Variants in NRG1 observed in about 807,000 individuals in gnomAD.
NRG1 encodes the protein neuregulin 1, also known as pro-neuregulin-1, membrane-bound isoform.
NRG1 carries 18 observed loss-of-function variants against 63.8 expected under a neutral mutation model. The ratio of observed to expected loss-of-function variants is 0.28; its 90% CI spans 0.19 to 0.42. The LOEUF is 0.42. NRG1 is among the 10% of genes least tolerant of loss of function. The pLI is 1.00. For synonymous variants in NRG1, 302 were observed against 301.3 expected, an observed-to-expected ratio of 1.00 and a Z score of -0.02; for missense variants, 762 against 814.7, an observed-to-expected ratio of 0.94 and a Z score of 0.79.
intron 1 of NRG1, among the ~76,000 whole-genome samples, chr8:32,114,348 T>C (rs1832428826): frequency 6.6e-6 from 1 of 152,316 alleles, no homozygotes. Context: ...ATAAAACAGC[T>C]TCCCAATCAG....
At chr8:32,476,839 G>A (rs1435466035) in intron 1 of NRG1, among the ~76,000 whole-genome samples, 1 of 152,126 alleles carries the variant, frequency 6.6e-6, no homozygotes, top group Non-Finnish European at 1.5e-5. Context: ...GCCGTCTCTT[G>A]ACCTCTACAA....
chr8:32,531,392 GCTTT>G (rs1235030770), intron 1 of NRG1, among the ~76,000 whole-genome samples: 5 of 151,970 alleles, frequency 3.3e-5, no homozygotes, highest in South Asian at 4.1e-4. Context: ...ATATCTTTCT[GCTTT>G]CTTTTTCATT....
chr8:32,090,566 C>T (rs886893689), intron 1 of NRG1, among the ~76,000 whole-genome samples: 15 of 152,126 alleles, frequency 9.9e-5, no homozygotes, highest in African/African-American at 3.1e-4. Flanking sequence ...GGTGTTCTGC[C>T]GGCCTCAGCC....
chr8:32,311,547 C>G (rs545400869), intron 1 of NRG1, among the ~76,000 whole-genome samples: 3 of 152,262 alleles, frequency 2.0e-5, no homozygotes, highest in East Asian at 3.9e-4. Context: ...GACTAGTGAA[C>G]AGCATGTCCC....
chr8:31,709,810 C>T (rs1473789187), intron 1 of NRG1, among the ~76,000 whole-genome samples: 1 of 151,206 alleles, frequency 6.6e-6, no homozygotes, highest in Non-Finnish European at 1.5e-5. Context: ...TTCTTATTTT[C>T]ATGTTTGTAG....
In NRG1 at chr8:31,816,258, G is replaced by A. The variant is rs1178845277; in HGVS notation, c.37+176827G>A. ...GAGGCTGGGGATGTGTGTCCCTGTT[G>A]TTGGGGGAACACATGTCCTTAGCTC... is the stretch of plus-strand genomic sequence containing the variant. On this transcript the variant is annotated intron_variant, in intron 1 of 10. Coordinates refer to the NRG1 transcript ENST00000519301. Among the ~76,000 whole-genome samples, 25 of 152,126 alleles carry A rather than the reference G, an allele frequency of 1.6e-4. 2 individuals are homozygous for A. The highest frequency in any genetic ancestry group is 1.6e-3 in the Admixed American group (25 of 15,272).
chr8:32,646,403 A>C (rs1239241399), intron 5 of NRG1, among the ~76,000 whole-genome samples: 5 of 152,212 alleles, frequency 3.3e-5, no homozygotes, highest in Non-Finnish European at 7.3e-5. Context: ...TAGTGAACAA[A>C]ACTTATTAGA....
At chr8:32,678,525 C>T (rs1807782576) in intron 5 of NRG1, among the ~76,000 whole-genome samples, 1 of 152,012 alleles carries the variant, frequency 6.6e-6, no homozygotes, top group Non-Finnish European at 1.5e-5. Context: ...ATTACGGGTT[C>T]TTTAAACTGC....
In NRG1 at chr8:31,655,740, T is replaced by C. The variant is rs1297203114; in HGVS notation, c.37+16309T>C. On this transcript the variant is annotated intron_variant, in intron 1 of 10. Coordinates refer to the NRG1 transcript ENST00000519301. ...TAAGAGTGCATGCAGGGAGCTGAGG[T>C]GGGGCCCCAGTTGAGACTGGATGTG... Among the ~76,000 whole-genome samples, 3 of 152,114 alleles carry C rather than the reference T, an allele frequency of 2.0e-5. No individual in the cohort carries two copies. In the East Asian group the frequency reaches 5.8e-4, roughly 29 times the overall value.
chr8:31,768,433 T>A (rs1294760556), intron 1 of NRG1, among the ~76,000 whole-genome samples: 1 of 152,208 alleles, frequency 6.6e-6, no homozygotes, highest in East Asian at 1.9e-4. Flanking sequence ...ATCAGCTGAA[T>A]TAGTTTACTA....
rs115563437 is a variant in NRG1, at chr8:32,334,605, T to G, written c.38-261223T>G. Among the ~76,000 whole-genome samples the G allele has an allele frequency of 4.0e-3, 605 of 152,324 alleles. 4 individuals carry two copies. The highest frequency in any genetic ancestry group is 0.014 in the African/African-American group (571 of 41,568). Reference sequence around the variant, plus strand: ...TTTAGGCATGTAAGATCTTGGTACTTTCCCAGTTATTGCTCCTTAGAAACC... The same window carrying G: ...TTTAGGCATGTAAGATCTTGGTACTGTCCCAGTTATTGCTCCTTAGAAACC... On this transcript the variant is annotated intron_variant, in intron 1 of 10. Coordinates refer to the NRG1 transcript ENST00000519301.
intron 1 of NRG1, among the ~76,000 whole-genome samples, chr8:31,840,092 A>C (rs190084423): frequency 6.6e-6 from 1 of 152,330 alleles, no homozygotes; most frequent in Non-Finnish European, 1.5e-5. Context: ...CATGGGGAAA[A>C]GGACAAATGA....
chr8:31,757,318 A>G (rs1014641619), intron 1 of NRG1, among the ~76,000 whole-genome samples: 1 of 152,130 alleles, frequency 6.6e-6, no homozygotes, highest in Non-Finnish European at 1.5e-5. Context: ...ATTTATTTTC[A>G]TCATTCAGTT....
At chr8:32,460,677 A>G (rs1370654247) in intron 1 of NRG1, among the ~76,000 whole-genome samples, 1 of 152,166 alleles carries the variant, frequency 6.6e-6, no homozygotes, top group Non-Finnish European at 1.5e-5. Flanking sequence ...AAACCCAGAC[A>G]ACAACAATTT....
At chr8:31,870,028 A>T (rs1400916734) in intron 1 of NRG1, among the ~76,000 whole-genome samples, 5 of 152,230 alleles carry the variant, frequency 3.3e-5, no homozygotes, top group Non-Finnish European at 7.3e-5. Context: ...TAAGTGGGAA[A>T]ATAACAAGAT....
At chr8:32,123,383 C>T (rs1382120707) in intron 1 of NRG1, among the ~76,000 whole-genome samples, 1 of 151,804 alleles carries the variant, frequency 6.6e-6, no homozygotes, top group Non-Finnish European at 1.5e-5. Flanking sequence ...CACAAGTTCT[C>T]TCTTGCCTGC....
intron 1 of NRG1, among the ~76,000 whole-genome samples, chr8:32,523,032 G>A (rs1017048183): frequency 6.6e-6 from 1 of 152,058 alleles, no homozygotes; most frequent in South Asian, 2.1e-4. Flanking sequence ...GATCTCCTGT[G>A]CTAAAACGAT....
chr8:31,940,107 C>T (rs1386062752), intron 1 of NRG1, among the ~76,000 whole-genome samples: 1 of 152,122 alleles, frequency 6.6e-6, no homozygotes, highest in African/African-American at 2.4e-5. Context: ...ACATTCTACT[C>T]ATCAGCACAT....
intron 7 of NRG1, chr8:32,743,096 A>T (rs1218166858): frequency 9.6e-7 from 1 of 1,041,588 alleles, no homozygotes; most frequent in African/African-American, 1.7e-5. Context: ...TGAACAGTCC[A>T]TCTTCTTTAT....
Sources: gnomAD v4.1 joint callset for allele counts (sites outside exome capture counted in the v4.1 genomes callset) on GRCh38, gnomAD v4.1.1 for gene constraint, MANE v1.5 for transcripts, NCBI Gene and HGNC (gene_info 2026-07-23, HGNC 2026-07-21) for gene names.